The following MTERF3 variants were observed in gnomAD, a reference collection of about 807,000 sequenced individuals.
The protein encoded by MTERF3 is mitochondrial transcription termination factor 3, also known as transcription termination factor 3, mitochondrial.
In MTERF3, 40 loss-of-function variants were observed where a neutral mutation model predicts 40.5. That is an observed-to-expected ratio of 0.99 (90% CI 0.77 to 1.29). MTERF3 has a LOEUF of 1.29. MTERF3 is among the 50% of genes most tolerant of loss of function. The pLI is 0.00. For missense variants in MTERF3, 452 were observed against 478.2 expected, an observed-to-expected ratio of 0.95 and a Z score of 0.51; for synonymous variants, 158 against 166.6, an observed-to-expected ratio of 0.95 and a Z score of 0.40.
At chr8:96,255,361 G>C (rs937398353) in intron 3 of MTERF3, among the ~76,000 whole-genome samples, 1 of 152,168 alleles carries the variant, frequency 6.6e-6, no homozygotes, top group African/African-American at 2.4e-5. Flanking sequence ...AGGATAGGCC[G>C]AGTGCGGTGG....
At chr8:96,246,075 G>A (rs1810015650) in intron 5 of MTERF3, 144 bp from the exon 6 acceptor site, 1 of 841,998 alleles carries the variant, frequency 1.2e-6, no homozygotes. Flanking sequence ...GAATAGATAA[G>A]ATTAATACTG....
intron 7 of MTERF3, among the ~76,000 whole-genome samples, chr8:96,243,662 T>C (rs1278411915): frequency 1.3e-5 from 2 of 152,220 alleles, no homozygotes; most frequent in Non-Finnish European, 2.9e-5. Flanking sequence ...AAGTGATCTA[T>C]TCCAAAGTAA....
rs1809981428 is a variant in MTERF3, at chr8:96,244,197, T to G, written c.898-117A>C. 9 of 750,390 alleles carry G rather than the reference T, an allele frequency of 1.2e-5. No individual in the cohort carries two copies. In the Admixed American group the frequency reaches 2.5e-4, roughly 21 times the overall value. The allele number at this position is 750,390 out of a possible 1,614,324, so 46.5% of individuals were successfully genotyped here. On this transcript the variant is annotated intron_variant, in intron 6 of 7. Transcript: ENST00000287025. ...ATGGAGCTCGCTATGTTGCCCAGGATGGAGTGCAGTGGCATGATCTCCTGC... is the reference window on the plus strand; with the variant it reads ...ATGGAGCTCGCTATGTTGCCCAGGAGGGAGTGCAGTGGCATGATCTCCTGC...
intron 7 of MTERF3, 192 bp from the exon 8 acceptor site, chr8:96,239,877 C>A: frequency 1.4e-6 from 1 of 700,806 alleles, no homozygotes; most frequent in South Asian, 1.5e-5. Flanking sequence ...GATTCAAAAT[C>A]AACATACAAA....
At position 96,248,138 on chromosome 8, in the gene MTERF3, AAAC is replaced by A. The variant is rs1443978550; in HGVS notation, c.678-1687_678-1685del. ...ACTGTTGGGGAGAGTATAAACTGGA[AAAC>A]AACCCCTATGAAGGACAATTTGGCA... On this transcript the variant is annotated intron_variant, in intron 4 of 7. Coordinates refer to ENST00000287025, the MANE Select transcript of MTERF3 (RefSeq NM_015942.5). Among the ~76,000 whole-genome samples, 15 of 152,370 alleles carry A rather than the reference AAAC, an allele frequency of 9.8e-5. 1 individual carries two copies. The South Asian group carries it at 1.7e-3, about 17-fold the overall frequency.
intron 7 of MTERF3, among the ~76,000 whole-genome samples, chr8:96,240,227 AAC>A (rs1202102144): frequency 6.6e-6 from 1 of 151,666 alleles, no homozygotes; most frequent in Admixed American, 6.6e-5. Context: ...CAGCCTGGGC[AAC>A]AGAGTAAGAC....
In MTERF3 at chr8:96,254,221, T is replaced by C. The variant is rs73271807; in HGVS notation, c.487+2741A>G. Among the ~76,000 whole-genome samples the C allele has an allele frequency of 6.3e-3, 954 of 152,362 alleles. 6 individuals are homozygous for C. Among genetic ancestry groups the C allele is most frequent in the African/African-American group, 0.022 (906 of 41,586 alleles). Reference sequence around the variant, plus strand: ...GACATTTGTATACATAGTGGAACGATTAAATCAAGCTAATTAACATATTCA... The same window carrying C: ...GACATTTGTATACATAGTGGAACGACTAAATCAAGCTAATTAACATATTCA... On this transcript the variant is annotated intron_variant, in intron 3 of 7. Coordinates refer to ENST00000287025, the MANE Select transcript of MTERF3 (RefSeq NM_015942.5).
chr8:96,250,031 A>T (rs565004186), intron 4 of MTERF3, among the ~76,000 whole-genome samples: 6 of 152,146 alleles, frequency 3.9e-5, no homozygotes, highest in African/African-American at 1.4e-4. Context: ...GGTATTCCCA[A>T]TGCCTAGCAG....
chr8:96,239,894 A>T (rs1809890551), intron 7 of MTERF3: 1 of 697,700 alleles, frequency 1.4e-6, no homozygotes, highest in South Asian at 1.5e-5. Flanking sequence ...CAAAACAATA[A>T]TAAAATAATT....
chr8:96,249,576 TTTTTGTTTAG>T lies in MTERF3; in HGVS notation c.677+1320_677+1329del, dbSNP rs1241518175. On this transcript the variant is annotated intron_variant, in intron 4 of 7. Coordinates refer to ENST00000287025, the MANE Select transcript of MTERF3 (RefSeq NM_015942.5). ...CAAATGTTCAATTTAATAAATAAGG[TTTTTGTTTAG>T]TTTTTTTTCCTAATTCCGAGAAAAG... is the stretch of plus-strand genomic sequence containing the variant. 1.8e-3 allele frequency among the ~76,000 whole-genome samples: 278 copies of T among 152,186 alleles called. 2 individuals are homozygous for T. The highest frequency in any genetic ancestry group is 6.3e-3 in the African/African-American group (261 of 41,514).
chr8:96,257,197 T>C, intron 2 of MTERF3, 83 bp from the exon 3 acceptor site: 2 of 1,364,774 alleles, frequency 1.5e-6, no homozygotes, highest in East Asian at 2.4e-5. Context: ...CCTTGTTTGC[T>C]TCTTTCAGTG....
chr8:96,258,126 G>C, intron 2 of MTERF3: 1 of 568,112 alleles, frequency 1.8e-6, no homozygotes. Context: ...TATTTAAAAA[G>C]CAAATGTTTT....
chr8:96,251,146 T>C lies in MTERF3; in HGVS notation c.488-51A>G, dbSNP rs1399408290. ...GAAGATGACTTCTTAGTTCACCCAT[T>C]AAACTCATATACATAAGCACAAGAA... On this transcript the variant is annotated intron_variant, in intron 3 of 7. Transcript: ENST00000287025. 3.5e-6 allele frequency: 5 copies of C among 1,417,526 alleles called. No individual in the cohort carries two copies. The African/African-American group carries it at 5.9e-5, about 17-fold the overall frequency. 87.8% of individuals were successfully genotyped at this position (1,417,526 alleles called of 1,614,324 possible). A position where few individuals can be genotyped will look rare whatever the true frequency, so the allele number is the denominator to read the frequency against.
chr8:96,250,615 CAG>C lies in MTERF3; in HGVS notation c.677+289_677+290del, dbSNP rs1363310448. Among the ~76,000 whole-genome samples, 9 of 11,818 alleles carry C rather than the reference CAG, an allele frequency of 7.6e-4. No individual in the cohort carries two copies. The East Asian group carries it at 0.012, about 16-fold the overall frequency. The allele number at this position is 11,818 out of a possible 152,430, so 7.8% of individuals were successfully genotyped here. On this transcript the variant is annotated intron_variant, in intron 4 of 7. Coordinates refer to ENST00000287025, the MANE Select transcript of MTERF3 (RefSeq NM_015942.5). ...CACCCAGCTACTTGGGAGGCTGAGG[CAG>C]AAGAAGAAGAAGAAGAAGAAGAAGA... is the stretch of plus-strand genomic sequence containing the variant.
chr8:96,255,572 G>A (rs1810264265), intron 3 of MTERF3, among the ~76,000 whole-genome samples: 1 of 151,622 alleles, frequency 6.6e-6, no homozygotes, highest in Non-Finnish European at 1.5e-5. Flanking sequence ...CTGGGAGGCA[G>A]GTTGCAGTGA....
intron 1 of MTERF3, among the ~76,000 whole-genome samples, chr8:96,259,093 T>C (rs889342102): frequency 6.6e-6 from 1 of 152,212 alleles, no homozygotes; most frequent in Admixed American, 6.5e-5. Context: ...GTTCTTGAAA[T>C]TTGGTGTGAA....
In MTERF3 at chr8:96,258,596, C is replaced by CT. The variant is rs756863313; in HGVS notation, c.94dup (p.Arg32LysfsTer19). 6.2e-7 allele frequency: 1 copy of CT among 1,614,082 alleles called. No individual in the cohort carries two copies. Among genetic ancestry groups the CT allele is most frequent in the Non-Finnish European group, 8.5e-7 (1 of 1,179,990 alleles). ...GCCATGTAACAGTGTTCTTGCTGGTCTAGTAAAACGTTTTGTGAGTTGTGC... is the reference window on the plus strand; with the variant it reads ...GCCATGTAACAGTGTTCTTGCTGGTCTTAGTAAAACGTTTTGTGAGTTGTGC... On this transcript the variant is annotated frameshift_variant, in exon 2 of 8. Coordinates refer to ENST00000287025, the MANE Select transcript of MTERF3 (RefSeq NM_015942.5). LOFTEE classifies it high-confidence loss of function.
chr8:96,246,737 A>T (rs189039191), intron 4 of MTERF3, among the ~76,000 whole-genome samples: 51 of 152,352 alleles, frequency 3.3e-4, no homozygotes, highest in Non-Finnish European at 5.9e-4. Flanking sequence ...TACTTTCAAT[A>T]GCAAAAACAT....
At chr8:96,243,026 G>A (rs112810282) in intron 7 of MTERF3, among the ~76,000 whole-genome samples, 1 of 152,154 alleles carries the variant, frequency 6.6e-6, no homozygotes, top group African/African-American at 2.4e-5. Context: ...TTTACGTTTG[G>A]TAAAATAGGA....
Sources: gnomAD v4.1 joint callset for allele counts (sites outside exome capture counted in the v4.1 genomes callset) on GRCh38, gnomAD v4.1.1 for gene constraint, MANE v1.5 for transcripts, NCBI Gene and HGNC (gene_info 2026-07-23, HGNC 2026-07-21) for gene names.